The following XKR9 variants were observed in gnomAD, a reference collection of about 807,000 sequenced individuals.
XKR9 encodes XK-related protein 9.
XKR9 carries 32 observed loss-of-function variants against 32.0 expected under a neutral mutation model. The ratio of observed to expected loss-of-function variants is 1.00; its 90% CI spans 0.76 to 1.34. The LOEUF (loss-of-function observed/expected upper bound fraction) is 1.34, where lower values mean the gene tolerates loss of function less well. XKR9 is among the 40% of genes most tolerant of loss of function. The probability of loss-of-function intolerance (pLI) is 0.00; values close to 1 mark genes in which losing one functional copy is unlikely to be tolerated. For synonymous variants in XKR9, 168 were observed against 143.4 expected (o/e 1.17, Z -1.22); for missense variants, 546 against 429.7 (o/e 1.27, Z -2.39).
chr8:70,979,398 T>C, the XKR9 span, among the ~76,000 whole-genome samples: 8 of 152,202 alleles, frequency 5.3e-5, no homozygotes, highest in African/African-American at 1.9e-4. Flanking sequence ...TGTTTGATGA[T>C]GGTGACGTAC....
intron 2 of XKR9, among the ~76,000 whole-genome samples, chr8:70,785,852 T>C (rs2130260856): frequency 6.6e-6 from 1 of 151,226 alleles, no homozygotes; most frequent in Non-Finnish European, 1.5e-5. Flanking sequence ...ATATTTTCTA[T>C]GTCATTTGTC....
chr8:70,914,311 A>G, the XKR9 span, among the ~76,000 whole-genome samples: 1 of 152,200 alleles, frequency 6.6e-6, no homozygotes, highest in Admixed American at 6.5e-5. Context: ...GTAGACACTA[A>G]CAGTTTTCCA....
At chr8:70,914,895 T>A in the XKR9 span, among the ~76,000 whole-genome samples, 1 of 152,340 alleles carries the variant, frequency 6.6e-6, no homozygotes, top group South Asian at 2.1e-4. Context: ...ACAACTGTGA[T>A]ATTGCAGTGA....
At chr8:70,868,656 T>A in the XKR9 span, among the ~76,000 whole-genome samples, 2 of 152,296 alleles carry the variant, frequency 1.3e-5, no homozygotes, top group South Asian at 4.1e-4. Context: ...GGGGCTACCG[T>A]GAAAACCTCT....
rs764422820 is a variant in XKR9 at position 70,733,878 on chromosome 8, C to A, written c.576C>A (p.Asp192Glu). 6.2e-6 allele frequency: 10 copies of A among 1,610,640 alleles called. 1 individual carries two copies. In the South Asian group the frequency reaches 6.7e-5, roughly 11 times the overall value. The change falls in exon 5 of 5, where the codon GAC becomes GAA. Residue 192 changes from aspartate to glutamate, a missense_variant. By Grantham distance (45) the Asp-to-Glu change is conservative (BLOSUM62 2). Transcript: ENST00000408926. ...TAGCTTTAAGAAAATCCTTGCCTGA[C>A]AAAAAGCTTCTTAATGGATTATGTC... ...YQVALRKSLPDKKLLNGLCPK... is the reference protein window; with the variant it reads ...YQVALRKSLPEKKLLNGLCPK...
At chr8:71,029,824 T>C in the XKR9 span, among the ~76,000 whole-genome samples, 3 of 152,150 alleles carry the variant, frequency 2.0e-5, no homozygotes, top group East Asian at 5.8e-4. Context: ...AAACCATTCT[T>C]ACTATGTCCT....
intron 3 of XKR9, among the ~76,000 whole-genome samples, chr8:70,687,232 C>CT (rs1819313507): frequency 6.6e-6 from 1 of 152,088 alleles, no homozygotes; most frequent in Admixed American, 6.5e-5. Context: ...CCTGGCCTGG[C>CT]TTTTTTCACT....
At chr8:70,989,064 T>A in the XKR9 span, among the ~76,000 whole-genome samples, 1 of 152,224 alleles carries the variant, frequency 6.6e-6, no homozygotes, top group Non-Finnish European at 1.5e-5. Flanking sequence ...ATTCATCTGT[T>A]TGTGGACATT....
chr8:70,779,949 T>G (rs1408301067), intron 2 of XKR9, among the ~76,000 whole-genome samples: 1 of 152,094 alleles, frequency 6.6e-6, no homozygotes, highest in East Asian at 1.9e-4. Flanking sequence ...TGTGTCTCTA[T>G]CTCCTTTAGT....
chr8:70,762,056 C>A (rs546766827), intron 2 of XKR9, among the ~76,000 whole-genome samples: 7 of 152,102 alleles, frequency 4.6e-5, no homozygotes, highest in African/African-American at 1.4e-4. Context: ...CATTGGTCTA[C>A]GTGTCTGTTC....
chr8:70,873,314 T>C, the XKR9 span, among the ~76,000 whole-genome samples: 6 of 152,232 alleles, frequency 3.9e-5, no homozygotes, highest in African/African-American at 1.2e-4. Context: ...AATCTCATGA[T>C]TTAAGTAATA....
the XKR9 span, among the ~76,000 whole-genome samples, chr8:70,828,637 C>T: frequency 6.6e-6 from 1 of 150,940 alleles, no homozygotes; most frequent in African/African-American, 2.4e-5. Flanking sequence ...GCAGGAGAAT[C>T]GCTTGAACCC....
the XKR9 span, among the ~76,000 whole-genome samples, chr8:70,850,733 C>T: frequency 3.5e-4 from 53 of 152,058 alleles, no homozygotes; most frequent in African/African-American, 1.1e-3. Flanking sequence ...AATTCTATAC[C>T]CCTACTAGCT....
chr8:70,946,273 A>G, the XKR9 span, among the ~76,000 whole-genome samples: 1 of 152,080 alleles, frequency 6.6e-6, no homozygotes, highest in Non-Finnish European at 1.5e-5. Context: ...GAGAACCCAC[A>G]TCTTTTTGGC....
At chr8:70,782,980 T>G (rs955637953) in intron 2 of XKR9, among the ~76,000 whole-genome samples, 1 of 152,154 alleles carries the variant, frequency 6.6e-6, no homozygotes, top group Non-Finnish European at 1.5e-5. Context: ...CTATTTTTAG[T>G]TTTTTGAGAA....
the XKR9 span, among the ~76,000 whole-genome samples, chr8:70,959,379 T>C: frequency 6.6e-6 from 1 of 152,344 alleles, no homozygotes; most frequent in Non-Finnish European, 1.5e-5. Flanking sequence ...GTTCTAAAAA[T>C]AGATCTAATT....
chr8:71,057,499 T>C, the XKR9 span, among the ~76,000 whole-genome samples: 1 of 152,222 alleles, frequency 6.6e-6, no homozygotes, highest in African/African-American at 2.4e-5. Context: ...TGTAGTACTT[T>C]GTTTTTTCAG....
At chr8:70,775,134 G>T (rs1181793797) in intron 2 of XKR9, among the ~76,000 whole-genome samples, 1 of 151,874 alleles carries the variant, frequency 6.6e-6, no homozygotes, top group African/African-American at 2.4e-5. Context: ...TGTTTATGCT[G>T]GGATATATCA....
In XKR9 at chr8:70,680,189, A is replaced by G. The variant is rs997225774; in HGVS notation, c.-278-592A>G. ...CTTGAAGATCTTCTGAAGTGAGTTC[A>G]TACAAAGCTGCTTTAATCTTTTTAA... On this transcript the variant is annotated intron_variant, in intron 2 of 4. Coordinates refer to ENST00000408926, the MANE Select transcript of XKR9 (RefSeq NM_001011720.2). Among the ~76,000 whole-genome samples, 3 of 152,274 alleles carry G rather than the reference A, an allele frequency of 2.0e-5. No individual in the cohort carries two copies. In the East Asian group the frequency reaches 5.8e-4, roughly 29 times the overall value.
Sources: gnomAD v4.1 joint callset for allele counts (sites outside exome capture counted in the v4.1 genomes callset) on GRCh38, gnomAD v4.1.1 for gene constraint, MANE v1.5 for transcripts, NCBI Gene and HGNC (gene_info 2026-07-23, HGNC 2026-07-21) for gene names.